ALK: variants seen among roughly 807,000 people sequenced by gnomAD.
The protein encoded by ALK is ALK receptor tyrosine kinase.
ALK carries 74 observed loss-of-function variants against 163.1 expected under a neutral mutation model. The observed-to-expected ratio is 0.45, with a 90% CI of 0.38 to 0.55. The LOEUF (loss-of-function observed/expected upper bound fraction) is 0.55. ALK is among the 20% of genes least tolerant of loss of function. ALK has a pLI of 0.00. For missense variants in ALK, 2,063 were observed against 2,105.3 expected, an observed-to-expected ratio of 0.98 and a Z score of 0.39; for synonymous variants, 960 against 843.2, an observed-to-expected ratio of 1.14 and a Z score of -2.40.
chr2:29,639,740 G>A (rs1196154984), intron 3 of ALK, among the ~76,000 whole-genome samples: 1 of 152,178 alleles, frequency 6.6e-6, no homozygotes, highest in African/African-American at 2.4e-5. Context: ...CAAACACTCA[G>A]CAGTTTTTCA....
chr2:29,470,873 G>T (rs148516968), intron 4 of ALK, among the ~76,000 whole-genome samples: 39 of 152,214 alleles, frequency 2.6e-4, no homozygotes, highest in Admixed American at 2.4e-3. Context: ...AGTGTCTTCA[G>T]ATATGTAAAA....
chr2:29,830,713 TAAAAAAAAAA>T (rs530774574), intron 1 of ALK, among the ~76,000 whole-genome samples: 22 of 28,998 alleles, frequency 7.6e-4, no homozygotes, highest in African/African-American at 1.6e-3. Context: ...TAAAATAGTT[TAAAAAAAAAA>T]AAAAAAAAAA....
rs115939067 is a variant in ALK at position 29,897,268 on chromosome 2, G to A, written c.667+22725C>T. 8.8e-3 allele frequency among the ~76,000 whole-genome samples: 1,340 copies of A among 152,132 alleles called. 13 individuals are homozygous for A. Among genetic ancestry groups the A allele is most frequent in the Non-Finnish European group, 0.014 (984 of 68,022 alleles). On this transcript the variant is annotated intron_variant, in intron 1 of 28. Coordinates refer to ENST00000389048, the MANE Select transcript of ALK (RefSeq NM_004304.5). Reference sequence around the variant, plus strand: ...TTGCAAGTGGTTCTGCAGCTACTCGGAGGCAGAGGTTTCAGTGAGCTGAAA... The same window carrying A: ...TTGCAAGTGGTTCTGCAGCTACTCGAAGGCAGAGGTTTCAGTGAGCTGAAA...
At chr2:29,364,171 A>G (rs2148288482) in intron 5 of ALK, among the ~76,000 whole-genome samples, 1 of 152,324 alleles carries the variant, frequency 6.6e-6, no homozygotes, top group African/African-American at 2.4e-5. Flanking sequence ...ACATGTGTCT[A>G]AGACAGCCAC....
intron 4 of ALK, among the ~76,000 whole-genome samples, chr2:29,422,889 C>G (rs976449400): frequency 6.6e-6 from 1 of 151,614 alleles, no homozygotes; most frequent in African/African-American, 2.4e-5. Context: ...AACTTCAAGC[C>G]TCAATCCTAA....
At chr2:29,628,919 C>T (rs1317148143) in intron 3 of ALK, among the ~76,000 whole-genome samples, 1 of 152,174 alleles carries the variant, frequency 6.6e-6, no homozygotes, top group African/African-American at 2.4e-5. Context: ...ACACTCAAAA[C>T]TGAGAATGAC....
chr2:29,443,466 G>C (rs182465638), intron 4 of ALK, among the ~76,000 whole-genome samples: 1 of 152,158 alleles, frequency 6.6e-6, no homozygotes, highest in Non-Finnish European at 1.5e-5. Flanking sequence ...ACTTGCCACC[G>C]AGTCTTTCTT....
At chr2:29,464,051 T>C (rs190555995) in intron 4 of ALK, among the ~76,000 whole-genome samples, 139 of 152,314 alleles carry the variant, frequency 9.1e-4, no homozygotes, top group African/African-American at 3.2e-3. Context: ...ACTATCAAAC[T>C]GATTTACAAA....
chr2:29,844,297 T>G (rs1230571250), intron 1 of ALK, among the ~76,000 whole-genome samples: 1 of 152,074 alleles, frequency 6.6e-6, no homozygotes, highest in Non-Finnish European at 1.5e-5. Flanking sequence ...CAGCAGCAGA[T>G]GGGGGCAGAG....
intron 9 of ALK, among the ~76,000 whole-genome samples, chr2:29,287,054 A>T (rs1665877327): frequency 6.6e-6 from 1 of 152,006 alleles, no homozygotes; most frequent in Admixed American, 6.6e-5. Context: ...ATGTTTTATT[A>T]ATGAAAACAA....
intron 1 of ALK, among the ~76,000 whole-genome samples, chr2:29,851,654 C>G (rs1172617044): frequency 6.6e-6 from 1 of 152,194 alleles, no homozygotes; most frequent in Non-Finnish European, 1.5e-5. Context: ...ATTGCTGCTG[C>G]TGGTCTGGGA....
At chr2:29,487,534 C>A (rs1257747603) in intron 4 of ALK, among the ~76,000 whole-genome samples, 1 of 152,158 alleles carries the variant, frequency 6.6e-6, no homozygotes, top group Non-Finnish European at 1.5e-5. Flanking sequence ...TGGGGTAGTA[C>A]CCAAAGCATC....
intron 8 of ALK, 21 bp from the exon 9 acceptor site, chr2:29,297,078 A>G (rs752646817): frequency 6.2e-7 from 1 of 1,614,188 alleles, no homozygotes. Context: ...GAGAAGAGTC[A>G]GAGGACAAGG....
chr2:29,752,549 C>A (rs544959368), intron 1 of ALK, among the ~76,000 whole-genome samples: 2 of 151,588 alleles, frequency 1.3e-5, no homozygotes, highest in Non-Finnish European at 2.9e-5. Context: ...GGGGTTTCAC[C>A]GTGTTAGCCA....
At chr2:29,477,061 G>A (rs1202192756) in intron 4 of ALK, among the ~76,000 whole-genome samples, 1 of 152,184 alleles carries the variant, frequency 6.6e-6, no homozygotes, top group Non-Finnish European at 1.5e-5. Flanking sequence ...GGGACACCCA[G>A]GCTAGAAAGG....
intron 2 of ALK, among the ~76,000 whole-genome samples, chr2:29,705,270 TA>T (rs1558451255): frequency 1.6e-5 from 1 of 64,196 alleles, no homozygotes; most frequent in Non-Finnish European, 2.9e-5. Context: ...TATATATATA[TA>T]TATATATATA....
intron 4 of ALK, among the ~76,000 whole-genome samples, chr2:29,384,733 T>C (rs1250173851): frequency 6.6e-6 from 1 of 152,184 alleles, no homozygotes; most frequent in East Asian, 1.9e-4. Flanking sequence ...GATTATTTGA[T>C]ATTTTCTTTC....
At chr2:29,697,285 A>G (rs564491887) in intron 2 of ALK, among the ~76,000 whole-genome samples, 2 of 152,210 alleles carry the variant, frequency 1.3e-5, no homozygotes, top group African/African-American at 4.8e-5. Flanking sequence ...GGCTATGACA[A>G]TGAGTCAGGG....
intron 5 of ALK, among the ~76,000 whole-genome samples, chr2:29,348,064 T>C (rs1668003787): frequency 6.6e-6 from 1 of 152,184 alleles, no homozygotes; most frequent in Non-Finnish European, 1.5e-5. Context: ...ATCAACTTGA[T>C]ACAGGCTGAG....
Sources: allele counts gnomAD v4.1 joint callset (sites outside exome capture counted in the v4.1 genomes callset), GRCh38; gene constraint gnomAD v4.1.1; transcripts MANE v1.5; gene names NCBI Gene and HGNC (gene_info 2026-07-23, HGNC 2026-07-21).